Variants in CDH12 observed in about 807,000 individuals in gnomAD.
CDH12 encodes cadherin 12.
Under a neutral mutation model 74.1 loss-of-function variants are expected in CDH12, and 41 were observed. The observed-to-expected ratio is 0.55, with a 90% CI of 0.43 to 0.72. CDH12 has a LOEUF of 0.72. CDH12 is among the 30% of genes least tolerant of loss of function. The pLI, the probability that CDH12 is intolerant of heterozygous loss-of-function variation, is 0.00. For synonymous variants in CDH12, 399 were observed against 355.0 expected (o/e 1.12, Z -1.39); for missense variants, 945 against 977.2 (o/e 0.97, Z 0.44).
intron 2 of CDH12, among the ~76,000 whole-genome samples, chr5:22,462,805 T>C (rs1014477697): frequency 6.6e-6 from 1 of 151,996 alleles, no homozygotes; most frequent in African/African-American, 2.4e-5. Flanking sequence ...TGAGAAAAAA[T>C]AACAACAATA....
chr5:22,331,151 A>T (rs960636612), intron 3 of CDH12, among the ~76,000 whole-genome samples: 1 of 152,182 alleles, frequency 6.6e-6, no homozygotes, highest in Admixed American at 6.5e-5. Flanking sequence ...AGAATATCAG[A>T]TAAATTGCTA....
intron 3 of CDH12, among the ~76,000 whole-genome samples, chr5:22,285,208 C>A (rs960050743): frequency 2.6e-5 from 4 of 151,902 alleles, no homozygotes; most frequent in African/African-American, 9.7e-5. Flanking sequence ...TATTTTCTAC[C>A]CATCACTTCA....
intron 5 of CDH12, among the ~76,000 whole-genome samples, chr5:22,042,975 A>G (rs1211893021): frequency 1.3e-5 from 2 of 152,048 alleles, no homozygotes; most frequent in Non-Finnish European, 2.9e-5. Context: ...ATATAAAAGA[A>G]AAGCCTAGGA....
chr5:22,510,703 A>G (rs532078971), intron 1 of CDH12, among the ~76,000 whole-genome samples: 15 of 152,122 alleles, frequency 9.9e-5, no homozygotes, highest in African/African-American at 2.7e-4. Flanking sequence ...TCATATTGAT[A>G]TTAATTTGTA....
chr5:22,058,944 C>T (rs1328985796), intron 5 of CDH12, among the ~76,000 whole-genome samples: 4 of 151,952 alleles, frequency 2.6e-5, no homozygotes, highest in Admixed American at 6.6e-5. Context: ...AAAAGAATGC[C>T]TCTTCAATTA....
chr5:22,672,162 T>C (rs1740940473), intron 1 of CDH12, among the ~76,000 whole-genome samples: 1 of 135,390 alleles, frequency 7.4e-6, no homozygotes, highest in Non-Finnish European at 1.6e-5. Flanking sequence ...ATATATTATA[T>C]ATATGTATAG....
At chr5:21,754,332 A>G (rs570813191) in intron 14 of CDH12, among the ~76,000 whole-genome samples, 6 of 152,296 alleles carry the variant, frequency 3.9e-5, no homozygotes, top group East Asian at 1.9e-4. Context: ...ACTCAGCTAC[A>G]AGAGAAGAGA....
rs545388751 is a variant in CDH12, at chr5:22,290,907, G to A, written c.-332-78264C>T. ...AAGCCCAGGAGTTGATGTCTTCAAC[G>A]ATGACTTCTATTAAACATTTAAAGA... On this transcript the variant is annotated intron_variant, in intron 3 of 14. Transcript: ENST00000382254. Among the ~76,000 whole-genome samples, 20 of 152,210 alleles carry A rather than the reference G, an allele frequency of 1.3e-4. 1 individual carries two copies. The South Asian group carries it at 2.9e-3, about 22-fold the overall frequency.
At position 22,831,351 on chromosome 5, in the gene CDH12, T is replaced by TGTGTGTGTG. The variant is rs1554007030; in HGVS notation, c.-523+21706_-523+21707insCACACACAC. 4.2e-3 allele frequency among the ~76,000 whole-genome samples: 588 copies of TGTGTGTGTG among 138,636 alleles called. 6 individuals carry two copies. The highest frequency in any genetic ancestry group is 0.011 in the East Asian group (54 of 4,766). 91.0% of individuals were successfully genotyped at this position (138,636 alleles called of 152,430 possible). On this transcript the variant is annotated intron_variant, in intron 1 of 14. Transcript: ENST00000382254. Reference sequence around the variant, plus strand: ...CAAAGGAAGGTAGGGGTTTTGGAGTTTGTGTGTGTGTGTGTGTGTCTGTGT... The same window carrying TGTGTGTGTG: ...CAAAGGAAGGTAGGGGTTTTGGAGTTGTGTGTGTGTGTGTGTGTGTGTGTGTGTCTGTGT...
intron 8 of CDH12, among the ~76,000 whole-genome samples, chr5:21,821,198 G>A (rs538926978): frequency 2.2e-4 from 34 of 151,534 alleles, no homozygotes; most frequent in African/African-American, 7.5e-4. Flanking sequence ...GGGGAGAGTG[G>A]GGACAGGTAG....
intron 1 of CDH12, among the ~76,000 whole-genome samples, chr5:22,761,478 A>G (rs1276112577): frequency 1.3e-5 from 2 of 152,172 alleles, no homozygotes; most frequent in Non-Finnish European, 2.9e-5. Context: ...GTAAATGGTT[A>G]TCCACAATAT....
At chr5:22,208,219 T>G (rs1751330246) in intron 4 of CDH12, among the ~76,000 whole-genome samples, 1 of 152,114 alleles carries the variant, frequency 6.6e-6, no homozygotes, top group Non-Finnish European at 1.5e-5. Flanking sequence ...TATTTTCATT[T>G]GTAAGGGAAA....
intron 1 of CDH12, among the ~76,000 whole-genome samples, chr5:22,638,420 T>G (rs934716243): frequency 6.6e-6 from 1 of 152,100 alleles, no homozygotes; most frequent in Non-Finnish European, 1.5e-5. Flanking sequence ...GCGGCAAGCA[T>G]CCAGCACGGG....
chr5:21,871,943 A>G (rs987455597), intron 6 of CDH12, among the ~76,000 whole-genome samples: 9 of 152,190 alleles, frequency 5.9e-5, no homozygotes, highest in African/African-American at 2.2e-4. Flanking sequence ...TAAAATGCCA[A>G]CAAGTAGATA....
chr5:22,002,511 T>C (rs1736664305), intron 5 of CDH12, among the ~76,000 whole-genome samples: 1 of 152,178 alleles, frequency 6.6e-6, no homozygotes, highest in African/African-American at 2.4e-5. Context: ...GGATTTATTC[T>C]CCATATCCCT....
chr5:22,261,005 G>A (rs1041126506), intron 3 of CDH12, among the ~76,000 whole-genome samples: 2 of 151,490 alleles, frequency 1.3e-5, no homozygotes, highest in African/African-American at 4.8e-5. Flanking sequence ...TTATATCCTA[G>A]AAGACAATAT....
chr5:21,861,899 A>AGTGTGTGTGTGTGTGTGTGTGT (rs59953319), intron 6 of CDH12, among the ~76,000 whole-genome samples: 1 of 147,722 alleles, frequency 6.8e-6, no homozygotes, highest in African/African-American at 2.5e-5. Flanking sequence ...GGTCATTTCT[A>AGTGTGTGTGTGTGTGTGTGTGT]GTGTGTGTGT....
chr5:21,873,963 C>T (rs1751791091), intron 6 of CDH12, among the ~76,000 whole-genome samples: 1 of 152,158 alleles, frequency 6.6e-6, no homozygotes, highest in African/African-American at 2.4e-5. Flanking sequence ...ACATAGTATT[C>T]CATGGTGTGT....
intron 1 of CDH12, among the ~76,000 whole-genome samples, chr5:22,770,732 T>C (rs1040050569): frequency 6.6e-6 from 1 of 152,128 alleles, no homozygotes; most frequent in East Asian, 1.9e-4. Flanking sequence ...AACTATATGA[T>C]CCTAGTTTGT....
Sources: allele counts gnomAD v4.1 joint callset (sites outside exome capture counted in the v4.1 genomes callset), GRCh38; gene constraint gnomAD v4.1.1; transcripts MANE v1.5; gene names NCBI Gene and HGNC (gene_info 2026-07-23, HGNC 2026-07-21).